The following CUEDC1 variants were observed in gnomAD, a reference collection of about 807,000 sequenced individuals.
CUEDC1 encodes the protein CUE domain containing 1, also known as CUE domain-containing protein 1.
CUEDC1 carries 30 observed loss-of-function variants against 43.7 expected under a neutral mutation model. The observed-to-expected ratio is 0.69, with a 90% CI of 0.51 to 0.93. The LOEUF is 0.93. CUEDC1 is among the 40% of genes least tolerant of loss of function. CUEDC1 has a pLI of 0.00. For synonymous variants in CUEDC1, 223 were observed against 223.6 expected (o/e 1.00, Z 0.02); for missense variants, 486 against 549.0 (o/e 0.89, Z 1.15).
chr17:57,948,652 C>G (rs1347130593), intron 1 of CUEDC1, among the ~76,000 whole-genome samples: 2 of 152,198 alleles, frequency 1.3e-5, no homozygotes, highest in African/African-American at 2.4e-5. Context: ...GATGAAACCT[C>G]TTAAACCACA....
In CUEDC1 at chr17:57,872,861, G is replaced by A. The variant is rs780946820; in HGVS notation, c.592-6C>T. The A allele has an allele frequency of 2.5e-5, 41 of 1,608,412 alleles. No individual in the cohort carries two copies. The highest frequency in any genetic ancestry group is 3.3e-5 in the Non-Finnish European group (39 of 1,178,154). The stretch of plus-strand genomic sequence containing the variant: ...TTGGGGCCCCCAGCGTTACCCTGAG[G>A]AGGGAAGCGAGCATGTTGAATGTGT... On this transcript the variant is annotated splice_region_variant and splice_polypyrimidine_tract_variant and intron_variant, in intron 4 of 10. Coordinates refer to ENST00000577830, the MANE Select transcript of CUEDC1 (RefSeq NM_001271875.2).
chr17:57,939,644 T>A (rs1192489248), intron 1 of CUEDC1, among the ~76,000 whole-genome samples: 1 of 152,100 alleles, frequency 6.6e-6, no homozygotes, highest in Non-Finnish European at 1.5e-5. Flanking sequence ...TCTACTCCCA[T>A]TCACAGGGGA....
intron 9 of CUEDC1, 75 bp downstream of exon 9, chr17:57,867,279 CATG>C: frequency 7.2e-7 from 1 of 1,386,124 alleles, no homozygotes; most frequent in East Asian, 2.5e-5. Flanking sequence ...CGGGTGCTCC[CATG>C]AAACACCCAG....
intron 1 of CUEDC1, among the ~76,000 whole-genome samples, chr17:57,946,018 C>CA (rs945816830): frequency 1.3e-5 from 2 of 151,730 alleles, no homozygotes; most frequent in Non-Finnish European, 2.9e-5. Context: ...AAAAAAACAC[C>CA]AAAAAACCAT....
chr17:57,923,701 G>A (rs749448586), intron 1 of CUEDC1, among the ~76,000 whole-genome samples: 3 of 152,190 alleles, frequency 2.0e-5, no homozygotes, highest in East Asian at 1.9e-4. Context: ...CCTGTGAAAC[G>A]AGAGCTGGTG....
chr17:57,886,713 G>A (rs1270371336), intron 1 of CUEDC1, among the ~76,000 whole-genome samples: 3 of 151,626 alleles, frequency 2.0e-5, no homozygotes, highest in Non-Finnish European at 2.9e-5. Context: ...TCACAGACAC[G>A]TTTGTTCTTA....
chr17:57,905,584 G>A (rs2074522764), intron 1 of CUEDC1, among the ~76,000 whole-genome samples: 1 of 152,194 alleles, frequency 6.6e-6, no homozygotes, highest in Non-Finnish European at 1.5e-5. Context: ...CGCGTGCAAA[G>A]CCGTAAATGC....
chr17:57,883,591 C>T (rs1384098383), intron 2 of CUEDC1, among the ~76,000 whole-genome samples: 1 of 152,022 alleles, frequency 6.6e-6, no homozygotes, highest in Non-Finnish European at 1.5e-5. Flanking sequence ...GTCATGATGG[C>T]ACATGCATGT....
intron 3 of CUEDC1, among the ~76,000 whole-genome samples, chr17:57,877,303 G>C (rs1343355890): frequency 6.6e-6 from 1 of 152,210 alleles, no homozygotes. Flanking sequence ...AGTAGGGAGG[G>C]AGGATGTGGC....
chr17:57,943,807 A>C (rs925158423), intron 1 of CUEDC1, among the ~76,000 whole-genome samples: 1 of 151,906 alleles, frequency 6.6e-6, no homozygotes, highest in Admixed American at 6.6e-5. Flanking sequence ...TCCAAAAAAA[A>C]CTCTCATATA....
intron 1 of CUEDC1, among the ~76,000 whole-genome samples, chr17:57,886,929 C>T (rs1568037247): frequency 6.6e-6 from 1 of 151,770 alleles, no homozygotes; most frequent in African/African-American, 2.4e-5. Flanking sequence ...CACCATTCTC[C>T]TGCCTCAGCC....
chr17:57,937,067 C>T (rs1229249430), intron 1 of CUEDC1, among the ~76,000 whole-genome samples: 3 of 151,982 alleles, frequency 2.0e-5, no homozygotes, highest in Non-Finnish European at 2.9e-5. Flanking sequence ...GATCTGCCCA[C>T]CTCGGCCTCC....
chr17:57,868,299 C>T, intron 7 of CUEDC1, 56 bp from the exon 8 acceptor site: 1 of 1,508,302 alleles, frequency 6.6e-7, no homozygotes, highest in South Asian at 1.1e-5. Flanking sequence ...ACCAGATGGC[C>T]TCCTCCCAGG....
chr17:57,889,311 G>T lies in CUEDC1; in HGVS notation c.-315-3432C>A, dbSNP rs147654267. ...AATTGGCCAAGCTGCCCTCACAGGG[G>T]GGATGGGGTAGGGAGATTCTAGGGG... On this transcript the variant is annotated intron_variant, in intron 1 of 10. Coordinates refer to ENST00000577830, the MANE Select transcript of CUEDC1 (RefSeq NM_001271875.2). 2.6e-5 allele frequency among the ~76,000 whole-genome samples: 4 copies of T among 152,308 alleles called. No individual in the cohort carries two copies. The East Asian group carries it at 7.7e-4, about 29-fold the overall frequency.
chr17:57,881,830 C>CT (rs1481649496), intron 2 of CUEDC1, among the ~76,000 whole-genome samples: 1 of 152,310 alleles, frequency 6.6e-6, no homozygotes, highest in East Asian at 1.9e-4. Flanking sequence ...CAAGACCAGA[C>CT]AGACGTTCAT....
intron 1 of CUEDC1, among the ~76,000 whole-genome samples, chr17:57,899,608 A>C (rs1376971564): frequency 6.6e-6 from 1 of 152,090 alleles, no homozygotes; most frequent in Non-Finnish European, 1.5e-5. Flanking sequence ...ACATGCCTGC[A>C]TGTGCTAACA....
At chr17:57,868,983 C>G in intron 7 of CUEDC1, 139 bp downstream of exon 7, 4 of 813,400 alleles carry the variant, frequency 4.9e-6, no homozygotes, top group Non-Finnish European at 8.0e-6. Context: ...GCTGAGGGAG[C>G]CAGCCTGCGA....
chr17:57,910,565 C>T (rs1348703708), intron 1 of CUEDC1, among the ~76,000 whole-genome samples: 3 of 150,848 alleles, frequency 2.0e-5, no homozygotes, highest in Non-Finnish European at 4.4e-5. Flanking sequence ...TGTCTGAGAC[C>T]ACCCTGGGCA....
intron 1 of CUEDC1, among the ~76,000 whole-genome samples, chr17:57,934,163 G>A (rs1304087734): frequency 6.6e-6 from 1 of 152,178 alleles, no homozygotes. Flanking sequence ...GGAGGCCAAG[G>A]CAGGAGGATC....
Sources: gnomAD v4.1 joint callset for allele counts (sites outside exome capture counted in the v4.1 genomes callset) on GRCh38, gnomAD v4.1.1 for gene constraint, MANE v1.5 for transcripts, NCBI Gene and HGNC (gene_info 2026-07-23, HGNC 2026-07-21) for gene names.